Variants in KIZ observed in about 807,000 individuals in gnomAD.
KIZ encodes kizuna centrosomal protein.
In KIZ, 68 loss-of-function variants were observed where a neutral mutation model predicts 79.6. That is an observed-to-expected ratio of 0.85 (90% CI 0.70 to 1.05). KIZ has a LOEUF of 1.05. Among genes scored for constraint, KIZ ranks in the 50% least tolerant of loss-of-function variants. KIZ has a pLI of 0.00. For missense variants in KIZ, 797 were observed against 800.4 expected, an observed-to-expected ratio of 1.00 and a Z score of 0.05; for synonymous variants, 280 against 281.8, an observed-to-expected ratio of 0.99 and a Z score of 0.06.
At chr20:21,221,973 C>G (rs2036516906) in intron 9 of KIZ, among the ~76,000 whole-genome samples, 1 of 152,154 alleles carries the variant, frequency 6.6e-6, no homozygotes, top group East Asian at 1.9e-4. Flanking sequence ...CCTGTTGTGC[C>G]TGGAACGGGA....
chr20:21,220,829 G>C (rs148023693), intron 9 of KIZ, among the ~76,000 whole-genome samples: 5 of 152,164 alleles, frequency 3.3e-5, no homozygotes. Flanking sequence ...CAGGATGTCC[G>C]GATCAATTAA....
At chr20:21,245,351 A>G (rs866113739) in intron 12 of KIZ, 3 of 152,134 alleles carry the variant, frequency 2.0e-5, no homozygotes, top group African/African-American at 4.8e-5. Context: ...GATGGAGAGT[A>G]TGGGCTTGAG....
intron 7 of KIZ, among the ~76,000 whole-genome samples, chr20:21,205,949 C>CAAAAAAAAA (rs113459299): frequency 8.1e-6 from 1 of 123,768 alleles, no homozygotes. Flanking sequence ...GACACCATCT[C>CAAAAAAAAA]AAAAAAAAAA....
intron 6 of KIZ, among the ~76,000 whole-genome samples, chr20:21,188,669 C>CGTTTT (rs2034985011): frequency 8.3e-6 from 1 of 119,804 alleles, no homozygotes; most frequent in Non-Finnish European, 1.8e-5. Context: ...ATCTGTTTTG[C>CGTTTT]ATTTTATTTT....
intron 8 of KIZ, 75 bp from the exon 9 acceptor site, chr20:21,215,508 G>A (rs2036249858): frequency 5.2e-6 from 4 of 768,680 alleles, no homozygotes; most frequent in Admixed American, 2.8e-5. Flanking sequence ...TGAACATAAA[G>A]GGAAGGACAA....
intron 6 of KIZ, among the ~76,000 whole-genome samples, chr20:21,184,300 C>T (rs978291566): frequency 1.3e-5 from 2 of 152,056 alleles, no homozygotes; most frequent in Admixed American, 1.3e-4. Context: ...CAGGTGCCCA[C>T]CACCACACCC....
At chr20:21,187,528 A>G (rs566984607) in intron 6 of KIZ, among the ~76,000 whole-genome samples, 10 of 152,264 alleles carry the variant, frequency 6.6e-5, no homozygotes, top group African/African-American at 9.6e-5. Context: ...CAGTAAGCCT[A>G]TCCACCGTGC....
At chr20:21,205,745 G>A (rs983685757) in intron 7 of KIZ, among the ~76,000 whole-genome samples, 161 bp downstream of exon 7, 5 of 151,862 alleles carry the variant, frequency 3.3e-5, no homozygotes, top group Non-Finnish European at 7.4e-5. Context: ...GGTGGATCAC[G>A]CGGTCAAGAG....
chr20:21,204,662 A>G (rs1388620812), intron 6 of KIZ, among the ~76,000 whole-genome samples: 1 of 150,856 alleles, frequency 6.6e-6, no homozygotes, highest in Non-Finnish European at 1.5e-5. Flanking sequence ...GTACAACAAG[A>G]TGTTTCAGGT....
At chr20:21,191,114 C>T (rs1361996890) in intron 6 of KIZ, among the ~76,000 whole-genome samples, 1 of 152,144 alleles carries the variant, frequency 6.6e-6, no homozygotes, top group South Asian at 2.1e-4. Flanking sequence ...ATTTTAATGA[C>T]CACCTTATCA....
intron 1 of KIZ, among the ~76,000 whole-genome samples, chr20:21,126,976 G>A (rs1187896461): frequency 4.6e-5 from 7 of 152,142 alleles, no homozygotes; most frequent in Admixed American, 2.6e-4. Context: ...TACATTTTTG[G>A]ATCTCTTGAT....
At chr20:21,143,357 T>C (rs898204329) in intron 3 of KIZ, among the ~76,000 whole-genome samples, 1 of 152,128 alleles carries the variant, frequency 6.6e-6, no homozygotes, top group African/African-American at 2.4e-5. Context: ...AAAAAGATAG[T>C]GGTGGCACTT....
At chr20:21,132,513 T>C (rs1440300361) in intron 2 of KIZ, among the ~76,000 whole-genome samples, 1 of 152,144 alleles carries the variant, frequency 6.6e-6, no homozygotes, top group Admixed American at 6.5e-5. Context: ...ACTCCTGACC[T>C]CAAGTGATCC....
intron 7 of KIZ, among the ~76,000 whole-genome samples, chr20:21,206,718 T>C (rs577620267): frequency 6.6e-6 from 1 of 152,314 alleles, no homozygotes; most frequent in East Asian, 1.9e-4. Flanking sequence ...AGAGCTGTGA[T>C]AGGATTTCTG....
intron 2 of KIZ, among the ~76,000 whole-genome samples, chr20:21,135,488 A>C (rs1429822930): frequency 6.6e-6 from 1 of 152,246 alleles, no homozygotes; most frequent in Non-Finnish European, 1.5e-5. Context: ...ACTTTCTTGA[A>C]AATTGTTGGC....
intron 7 of KIZ, among the ~76,000 whole-genome samples, chr20:21,207,855 C>G (rs919880295): frequency 6.6e-6 from 1 of 152,042 alleles, no homozygotes; most frequent in Admixed American, 6.5e-5. Flanking sequence ...GGACTACAGG[C>G]ATGTGCCACC....
chr20:21,166,614 A>T, intron 6 of KIZ: 3 of 1,080,538 alleles, frequency 2.8e-6, no homozygotes, highest in Non-Finnish European at 4.0e-6. Flanking sequence ...GTGCGGAAAG[A>T]GCTTTTGTAT....
In KIZ at chr20:21,162,616, A is replaced by G. The variant is rs543486062; in HGVS notation, c.1042+109A>G. On this transcript the variant is annotated intron_variant, in intron 5 of 12. Transcript: ENST00000619189. ...CTTTCATAAAATAGTATCTTTGCCA[A>G]CAAATTCCATTCTAATGAACTCTTA... The G allele has an allele frequency of 8.8e-5, 81 of 923,440 alleles. 3 individuals carry two copies. In the South Asian group the frequency reaches 8.9e-4, roughly 10 times the overall value. 57.2% of individuals were successfully genotyped at this position (923,440 alleles called of 1,614,324 possible).
chr20:21,139,323 C>T (rs913237405), intron 3 of KIZ, among the ~76,000 whole-genome samples: 5 of 151,904 alleles, frequency 3.3e-5, no homozygotes, highest in Non-Finnish European at 5.9e-5. Context: ...GAATTAACCT[C>T]CTATCCAAGG....
Sources: gnomAD v4.1 joint callset for allele counts (sites outside exome capture counted in the v4.1 genomes callset) on GRCh38, gnomAD v4.1.1 for gene constraint, MANE v1.5 for transcripts, NCBI Gene and HGNC (gene_info 2026-07-23, HGNC 2026-07-21) for gene names.